PLCH1: variants seen among roughly 807,000 people sequenced by gnomAD.
The protein encoded by PLCH1 is phospholipase C eta 1.
PLCH1 carries 60 observed loss-of-function variants against 126.7 expected under a neutral mutation model. That is an observed-to-expected ratio of 0.47 (90% CI 0.38 to 0.59). The LOEUF is 0.59. Ranked by LOEUF, PLCH1 falls within the 20% of genes least tolerant of loss-of-function variation. The pLI is 0.00. For missense variants in PLCH1, 1,723 were observed against 2,040.0 expected (o/e 0.84, Z 2.99); for synonymous variants, 719 against 734.9 (o/e 0.98, Z 0.35).
intron 2 of PLCH1, among the ~76,000 whole-genome samples, chr3:155,698,479 C>T (rs1745998697): frequency 6.6e-6 from 1 of 152,144 alleles, no homozygotes; most frequent in African/African-American, 2.4e-5. Flanking sequence ...TATGATTTCC[C>T]TCAGACAGGG....
chr3:155,705,600 A>G (rs1029821940), intron 1 of PLCH1, among the ~76,000 whole-genome samples: 1 of 152,236 alleles, frequency 6.6e-6, no homozygotes, highest in African/African-American at 2.4e-5. Context: ...AGTTATACAA[A>G]TAATGCAGTT....
In PLCH1 at chr3:155,581,528, A is replaced by G. The variant is rs539827581; in HGVS notation, c.771+1944T>C. On this transcript the variant is annotated intron_variant, in intron 6 of 22. Transcript: ENST00000460012. The stretch of plus-strand genomic sequence containing the variant: ...AATGAATCTTGAAAACATTACGCCA[A>G]ATGAAAGAAGCCAGTCACAAAGGTC... Among the ~76,000 whole-genome samples, 5 of 152,332 alleles carry G rather than the reference A, an allele frequency of 3.3e-5. No homozygotes were observed. The South Asian group carries it at 8.3e-4, about 25-fold the overall frequency.
intron 22 of PLCH1, among the ~76,000 whole-genome samples, chr3:155,483,731 A>C (rs948938257): frequency 9.2e-5 from 14 of 152,266 alleles, no homozygotes; most frequent in Admixed American, 2.0e-4. Context: ...TTCATATTGC[A>C]TCCTTCCCTA....
intron 2 of PLCH1, among the ~76,000 whole-genome samples, chr3:155,629,282 C>T (rs1737742801): frequency 6.6e-6 from 1 of 152,126 alleles, no homozygotes; most frequent in Non-Finnish European, 1.5e-5. Context: ...AATAAAACTG[C>T]TTCCAAATGT....
intron 2 of PLCH1, among the ~76,000 whole-genome samples, chr3:155,611,883 C>T (rs1470085819): frequency 6.6e-6 from 1 of 152,098 alleles, no homozygotes; most frequent in Non-Finnish European, 1.5e-5. Context: ...TATACAAATA[C>T]ATAGAAATTA....
intron 4 of PLCH1, among the ~76,000 whole-genome samples, chr3:155,593,290 C>A (rs1560215966): frequency 6.6e-6 from 1 of 152,172 alleles, no homozygotes; most frequent in Non-Finnish European, 1.5e-5. Flanking sequence ...TGCCTGCAGA[C>A]CAACTCCATT....
chr3:155,543,480 G>C (rs1724708121), intron 10 of PLCH1, among the ~76,000 whole-genome samples: 1 of 152,208 alleles, frequency 6.6e-6, no homozygotes, highest in South Asian at 2.1e-4. Flanking sequence ...TATTATCCAG[G>C]AGAACTTCCC....
intron 2 of PLCH1, among the ~76,000 whole-genome samples, chr3:155,604,602 T>C (rs938762673): frequency 2.6e-5 from 4 of 152,234 alleles, no homozygotes; most frequent in African/African-American, 9.6e-5. Context: ...TTTCTATTTG[T>C]ATTAAACCCT....
chr3:155,578,391 T>A (rs1730241641), intron 6 of PLCH1, among the ~76,000 whole-genome samples: 2 of 152,210 alleles, frequency 1.3e-5, no homozygotes, highest in African/African-American at 4.8e-5. Context: ...GTGAATCTGT[T>A]ATTTCTAAAA....
intron 2 of PLCH1, among the ~76,000 whole-genome samples, chr3:155,629,684 T>G (rs982327364): frequency 6.6e-6 from 1 of 152,124 alleles, no homozygotes; most frequent in South Asian, 2.1e-4. Context: ...AATATGGTAT[T>G]TTTAAATGGT....
Position 155,485,559 on chromosome 3 carries a change from C to T in PLCH1, c.2771G>A (p.Ser924Asn). 1 of 1,614,204 alleles carries T rather than the reference C, an allele frequency of 6.2e-7. No homozygotes were observed. Among genetic ancestry groups the T allele is most frequent in the Non-Finnish European group, 8.5e-7 (1 of 1,180,036 alleles). ...CACCATTTCTTGGAAGCCCATTTTG[C>T]TCTTTTTCCTGCCTTTGGCTGGGGC... ...ASAPAKGRKKSKMGFQEMVEI... is the reference protein window; with the variant it reads ...ASAPAKGRKKNKMGFQEMVEI... The change falls in exon 22 of 23, where the codon AGC (serine) becomes AAC (asparagine). Residue 924 changes from serine to asparagine, a missense_variant. Physicochemically the swap from Ser to Asn is conservative, Grantham distance 46. Around this residue, in one of 2 missense-constraint regions of PLCH1, gnomAD observed 947 missense variants for 977.1 expected, o/e 0.97. Transcript: ENST00000460012.
At chr3:155,631,167 G>T (rs1322590800) in intron 2 of PLCH1, among the ~76,000 whole-genome samples, 1 of 152,076 alleles carries the variant, frequency 6.6e-6, no homozygotes, top group Non-Finnish European at 1.5e-5. Context: ...AAAATTCTCG[G>T]TATTTTGGTA....
intron 21 of PLCH1, among the ~76,000 whole-genome samples, chr3:155,463,869 G>A (rs930435302): frequency 1.3e-5 from 2 of 152,064 alleles, no homozygotes; most frequent in African/African-American, 4.8e-5. Flanking sequence ...CCTCCTTCTA[G>A]GCATACAGCA....
intron 2 of PLCH1, among the ~76,000 whole-genome samples, chr3:155,633,869 G>T (rs550977645): frequency 6.6e-6 from 1 of 152,078 alleles, no homozygotes; most frequent in Non-Finnish European, 1.5e-5. Flanking sequence ...GCAATGAGCC[G>T]CACCACTGCA....
At chr3:155,611,045 A>G (rs560749404) in intron 2 of PLCH1, among the ~76,000 whole-genome samples, 22 of 152,332 alleles carry the variant, frequency 1.4e-4, no homozygotes, top group African/African-American at 5.3e-4. Flanking sequence ...ATGAACACCA[A>G]AAGCATGCAG....
chr3:155,637,167 G>A (rs1208221399), intron 2 of PLCH1, among the ~76,000 whole-genome samples: 1 of 152,140 alleles, frequency 6.6e-6, no homozygotes, highest in Admixed American at 6.5e-5. Context: ...GTAAGCCTTT[G>A]ACAGCTAAAG....
At chr3:155,744,352 T>G (rs2109229390) in intron 1 of PLCH1, among the ~76,000 whole-genome samples, 1 of 152,172 alleles carries the variant, frequency 6.6e-6, no homozygotes, top group South Asian at 2.1e-4. Context: ...CTCTAAGAGG[T>G]CCTGAGCAGG....
chr3:155,468,756 A>T (rs539304088), intron 21 of PLCH1, among the ~76,000 whole-genome samples: 132 of 152,296 alleles, frequency 8.7e-4, no homozygotes, highest in African/African-American at 2.8e-3. Context: ...ACAAAGGAGC[A>T]CCCAGATATA....
At chr3:155,602,347 A>G (rs1001401597) in intron 2 of PLCH1, among the ~76,000 whole-genome samples, 2 of 152,350 alleles carry the variant, frequency 1.3e-5, no homozygotes, top group South Asian at 4.1e-4. Context: ...CCTGTTACCT[A>G]TAAGAATGAC....
Sources: gnomAD v4.1 joint callset for allele counts (sites outside exome capture counted in the v4.1 genomes callset) on GRCh38, gnomAD v4.1.1 for gene constraint, gnomAD v4.1.1 regional missense constraint, MANE v1.5 for transcripts, NCBI Gene and HGNC (gene_info 2026-07-23, HGNC 2026-07-21) for gene names.